CISD2: variants seen among roughly 807,000 people sequenced by gnomAD.
The protein encoded by CISD2 is CDGSH iron-sulfur domain-containing protein 2.
CISD2 carries 1 observed loss-of-function variant against 12.9 expected under a neutral mutation model. The ratio of observed to expected loss-of-function variants is 0.08; its 90% CI spans 0.03 to 0.37. CISD2 has a LOEUF of 0.37. CISD2 is among the 10% of genes least tolerant of loss of function. CISD2 has a pLI of 0.99. For synonymous variants in CISD2, 50 were observed against 60.6 expected (o/e 0.83, Z 0.81); for missense variants, 97 against 163.1 (o/e 0.59, Z 2.21).
chr4:102,881,031 G>A (rs900158753), intron 1 of CISD2, among the ~76,000 whole-genome samples: 1 of 151,718 alleles, frequency 6.6e-6, no homozygotes, highest in Non-Finnish European at 1.5e-5. Context: ...ATTATTTACA[G>A]TTAGTAATAT....
chr4:102,871,273 A>C (rs72933544), intron 1 of CISD2, among the ~76,000 whole-genome samples: 2,794 of 152,298 alleles, frequency 0.018, 80 homozygotes, highest in African/African-American at 0.061. Context: ...AGTGTCAACA[A>C]ATATTTAATT....
chr4:102,878,510 C>T (rs190314802), intron 1 of CISD2, among the ~76,000 whole-genome samples: 9 of 152,250 alleles, frequency 5.9e-5, no homozygotes, highest in South Asian at 4.1e-4. Flanking sequence ...ACCTAAGTTC[C>T]GATTTCAGGT....
intron 1 of CISD2, among the ~76,000 whole-genome samples, chr4:102,873,490 G>C (rs1005538389): frequency 6.6e-6 from 1 of 151,956 alleles, no homozygotes; most frequent in Non-Finnish European, 1.5e-5. Flanking sequence ...GCCCAGGCTG[G>C]TCTTGAGCTC....
rs1428997872 is a variant in CISD2 at position 102,887,427 on chromosome 4, A to G, written c.405A>G (p.Val135=). 1.0e-6 allele frequency: 1 copy of G among 959,044 alleles called. No homozygotes were observed. The highest frequency in any genetic ancestry group is 1.4e-5 in the South Asian group (1 of 73,664). The allele number at this position is 959,044 out of a possible 1,614,324, so 59.4% of individuals were successfully genotyped here. Residue 135 remains valine (V), a synonymous_variant, in exon 3 of 3, where the codon GTA becomes GTG. Transcript: ENST00000273986. The part of the protein sequence containing the change: ...VGPLILKKKE[V] ...CACTAATACTGAAGAAGAAAGAAGT[A>G]TAATAATAATAACAATATTTTCTCA...
rs1203793021 is a variant in CISD2, at chr4:102,892,388, TAA to T, written c.*4960_*4961del. On this transcript the variant is annotated 3_prime_UTR_variant, in exon 3 of 3. Coordinates refer to ENST00000273986, the MANE Select transcript of CISD2 (RefSeq NM_001008388.5). The stretch of plus-strand genomic sequence containing the variant: ...TATCTTTTGCAGAAATCCAATTTAG[TAA>T]AGTCATGTTGTAGCAAGCATCACTT... 1 of 152,210 alleles carries T rather than the reference TAA, an allele frequency of 6.6e-6. No individual in the cohort carries two copies. Among genetic ancestry groups the T allele is most frequent in the Non-Finnish European group, 1.5e-5 (1 of 68,052 alleles). The allele number at this position is 152,210 out of a possible 1,614,324, so 9.4% of individuals were successfully genotyped here. A position where few individuals can be genotyped will look rare whatever the true frequency, so the allele number is the denominator to read the frequency against.
intron 1 of CISD2, among the ~76,000 whole-genome samples, chr4:102,870,910 G>A (rs1368317929): frequency 6.6e-6 from 1 of 152,090 alleles, no homozygotes; most frequent in Non-Finnish European, 1.5e-5. Flanking sequence ...TTATGTAATA[G>A]TTCATTGGCA....
intron 1 of CISD2, 95 bp downstream of exon 1, chr4:102,869,282 C>T: frequency 6.7e-7 from 1 of 1,488,566 alleles, no homozygotes; most frequent in Non-Finnish European, 9.1e-7. Flanking sequence ...CGGGACGGAG[C>T]TCGGCGCCTG....
chr4:102,870,817 T>C (rs1012867140), intron 1 of CISD2, among the ~76,000 whole-genome samples: 6 of 152,190 alleles, frequency 3.9e-5, no homozygotes, highest in East Asian at 1.9e-4. Flanking sequence ...TAAATACTTA[T>C]TTTAGTTTTA....
chr4:102,885,516 A>G (rs1733863186), intron 2 of CISD2, 86 bp downstream of exon 2: 1 of 1,019,620 alleles, frequency 9.8e-7, no homozygotes, highest in African/African-American at 1.6e-5. Context: ...AAGTTCTTTA[A>G]GATGAGAGAA....
chr4:102,875,118 T>A (rs1444778594), intron 1 of CISD2, among the ~76,000 whole-genome samples: 1 of 152,248 alleles, frequency 6.6e-6, no homozygotes. Flanking sequence ...CTAACAATAC[T>A]ATGGTGCTTA....
chr4:102,869,225 G>A (rs923685432), intron 1 of CISD2, 38 bp downstream of exon 1: 2 of 1,575,522 alleles, frequency 1.3e-6, no homozygotes, highest in Non-Finnish European at 1.7e-6. Flanking sequence ...ATCCTTGCAC[G>A]TTCGCCAAGC....
intron 1 of CISD2, among the ~76,000 whole-genome samples, chr4:102,877,787 C>T (rs189478172): frequency 2.0e-5 from 3 of 152,350 alleles, no homozygotes; most frequent in Non-Finnish European, 2.9e-5. Context: ...GACTTCTATG[C>T]ACCCACAGGC....
chr4:102,870,764 A>G (rs1733421399), intron 1 of CISD2, among the ~76,000 whole-genome samples: 1 of 152,220 alleles, frequency 6.6e-6, no homozygotes. Context: ...TTACTTAAGT[A>G]CTTTACATAT....
At chr4:102,881,353 A>G (rs866388922) in intron 1 of CISD2, among the ~76,000 whole-genome samples, 3 of 152,214 alleles carry the variant, frequency 2.0e-5, no homozygotes, top group Non-Finnish European at 4.4e-5. Context: ...AAAAAGTTCT[A>G]GTATTCAATA....
Position 102,887,680 on chromosome 4 carries a change from A to T in CISD2, c.*250A>T. ...TCTGATTTTAATCTAGGAAAACCTA[A>T]ATTGTGGCTATGGATCCAAAGCTGT... On this transcript the variant is annotated 3_prime_UTR_variant, in exon 3 of 3. Coordinates refer to ENST00000273986, the MANE Select transcript of CISD2 (RefSeq NM_001008388.5). 3.2e-6 allele frequency: 1 copy of T among 316,512 alleles called. No homozygotes were observed. The highest frequency in any genetic ancestry group is 6.0e-5 in the East Asian group (1 of 16,654). The allele number at this position is 316,512 out of a possible 1,614,324, so 19.6% of individuals were successfully genotyped here. A position where few individuals can be genotyped will look rare whatever the true frequency, so the allele number is the denominator to read the frequency against.
In CISD2 at chr4:102,869,170, G is replaced by T. The variant is rs573009141; in HGVS notation, c.86G>T (p.Gly29Val). 1 of 1,610,002 alleles carries T rather than the reference G, an allele frequency of 6.2e-7. No individual in the cohort carries two copies. Among genetic ancestry groups the T allele is most frequent in the South Asian group, 1.1e-5 (1 of 89,742 alleles). Reference protein sequence around the residue: ...KRLPVPESITGFARLTVSEWL... With the variant: ...KRLPVPESITVFARLTVSEWL... ...CTCCCAGTCCCTGAAAGCATTACCG[G>T]GTTCGCTAGGCTCACAGGTAATCCT... is the stretch of plus-strand genomic sequence containing the variant. The change falls in exon 1 of 3, where the codon GGG becomes GTG. Residue 29 changes from glycine to valine, a missense_variant. Around this residue, in one of 2 missense-constraint regions of CISD2, gnomAD observed 89 missense variants for 114.4 expected, o/e 0.78. Coordinates refer to ENST00000273986, the MANE Select transcript of CISD2 (RefSeq NM_001008388.5).
In CISD2 at chr4:102,888,535, A is replaced by G. The variant is rs1340783209; in HGVS notation, c.*1105A>G. The G allele has an allele frequency of 2.6e-5, 4 of 152,250 alleles. No homozygotes were observed. Among genetic ancestry groups the G allele is most frequent in the Admixed American group, 2.6e-4 (4 of 15,288 alleles). The allele number at this position is 152,250 out of a possible 1,614,324, so 9.4% of individuals were successfully genotyped here. ...CGTGTGTAAGGGTCAACTGTACAAA[A>G]AAGTTTGTGAAATAAACGTACTGGA... On this transcript the variant is annotated 3_prime_UTR_variant, in exon 3 of 3. Transcript: ENST00000273986.
At chr4:102,886,315 C>T (rs1287625998) in intron 2 of CISD2, among the ~76,000 whole-genome samples, 3 of 151,826 alleles carry the variant, frequency 2.0e-5, no homozygotes, top group Admixed American at 6.6e-5. Context: ...GGTGAAACCC[C>T]GTCTCTACTA....
At chr4:102,873,157 C>T (rs1324015691) in intron 1 of CISD2, among the ~76,000 whole-genome samples, 1 of 152,186 alleles carries the variant, frequency 6.6e-6, no homozygotes, top group Non-Finnish European at 1.5e-5. Flanking sequence ...CTGGTCTTTC[C>T]CTTGGCACGA....
Sources: allele counts gnomAD v4.1 joint callset (sites outside exome capture counted in the v4.1 genomes callset), GRCh38; gene constraint gnomAD v4.1.1; regional missense constraint gnomAD v4.1.1; transcripts MANE v1.5; gene names NCBI Gene and HGNC (gene_info 2026-07-23, HGNC 2026-07-21).